Variants in CRACD observed in about 807,000 individuals in gnomAD.
CRACD encodes the protein capping protein-inhibiting regulator of actin dynamics.
A neutral mutation model predicts 106.8 loss-of-function variants in CRACD; 56 were observed. That is an observed-to-expected ratio of 0.52 (90% CI 0.42 to 0.66). CRACD has a LOEUF of 0.66. Among genes scored for constraint, CRACD ranks in the 30% least tolerant of loss-of-function variants. The probability of loss-of-function intolerance (pLI) is 0.00; values close to 1 mark genes in which losing one functional copy is unlikely to be tolerated. For synonymous variants in CRACD, 754 were observed against 670.8 expected (o/e 1.12, Z -1.92); for missense variants, 1,730 against 1,623.2 (o/e 1.07, Z -1.13).
Position 56,324,238 on chromosome 4 carries a change from G to A in CRACD, c.3513G>A (p.Lys1171=). ...TTGAGCGCAGAGAACAGCTGAAAAA[G>A]GCCAATACTCTTCCTACGTCTGTGA... is the stretch of plus-strand genomic sequence containing the variant. ...SRLERREQLK[K]ANTLPTSVTV... is the part of the protein sequence containing the mutation. Residue 1171 remains lysine (K), a synonymous_variant, in exon 10 of 11, where the codon AAG becomes AAA. Coordinates refer to ENST00000682029, the MANE Select transcript of CRACD (RefSeq NM_001393381.1). 7 of 1,614,032 alleles carry A rather than the reference G, an allele frequency of 4.3e-6. No individual in the cohort carries two copies. The South Asian group carries it at 6.6e-5, about 15-fold the overall frequency.
intron 1 of CRACD, among the ~76,000 whole-genome samples, chr4:56,117,122 G>A (rs1734320846): frequency 1.3e-5 from 2 of 148,964 alleles, no homozygotes; most frequent in African/African-American, 2.5e-5. Flanking sequence ...CTGGGTTCAC[G>A]CCATTCTCCC....
intron 2 of CRACD, among the ~76,000 whole-genome samples, chr4:56,197,550 T>G (rs1737666754): frequency 6.6e-6 from 1 of 152,134 alleles, no homozygotes; most frequent in Admixed American, 6.5e-5. Context: ...CTGGCCAATA[T>G]ATGATTTTAC....
intron 1 of CRACD, among the ~76,000 whole-genome samples, chr4:56,167,996 T>C (rs1392873217): frequency 6.6e-6 from 1 of 152,224 alleles, no homozygotes; most frequent in Non-Finnish European, 1.5e-5. Flanking sequence ...ACATAGATTA[T>C]CATGTTGTCT....
chr4:56,314,992 C>T lies in CRACD; in HGVS notation c.1490C>T (p.Pro497Leu), dbSNP rs542112433. 2.5e-6 allele frequency: 4 copies of T among 1,585,278 alleles called. No individual in the cohort carries two copies. The highest frequency in any genetic ancestry group is 2.3e-5 in the East Asian group (1 of 43,974). Residue 497 changes from proline to leucine, a missense_variant, in exon 8 of 11, where the codon CCG (proline) becomes CTG (leucine). By Grantham distance (98) the Pro-to-Leu change is moderately conservative. This residue lies in a region of CRACD where 1,620 missense variants were observed against 1,481.6 expected (regional missense o/e 1.09). Transcript: ENST00000682029. The surrounding 1 kb of genome is among the most constrained non-coding windows in gnomAD (Gnocchi z 4.4). The stretch of plus-strand genomic sequence containing the variant: ...GAGCCTCTCCTGAAACAAGAGGGGC[C>T]GGTGGAAGCCGCGCAGCCTCCGGTG... ...DTEPLLKQEG[P>L]VEAAQPPVER...
chr4:56,117,177 C>T (rs1237436740), intron 1 of CRACD, among the ~76,000 whole-genome samples: 5 of 151,964 alleles, frequency 3.3e-5, no homozygotes, highest in Admixed American at 2.0e-4. Context: ...CCCGCCACCA[C>T]GCCTGGCTAA....
intron 3 of CRACD, among the ~76,000 whole-genome samples, chr4:56,290,494 T>C (rs902600074): frequency 6.6e-6 from 1 of 152,110 alleles, no homozygotes; most frequent in Non-Finnish European, 1.5e-5. Flanking sequence ...GTGAGGCAGT[T>C]ATTAAAGGTA....
intron 1 of CRACD, among the ~76,000 whole-genome samples, chr4:56,145,783 AT>A (rs534613962): frequency 9.3e-5 from 14 of 150,778 alleles, no homozygotes; most frequent in Non-Finnish European, 1.8e-4. Flanking sequence ...CACCCAGCTA[AT>A]TTTTTTTTGT....
Position 56,123,947 on chromosome 4 carries a change from A to ATTT in CRACD, c.-335-55330_-335-55328dup, listed in dbSNP as rs3036813. Among the ~76,000 whole-genome samples the ATTT allele has an allele frequency of 9.7e-3, 1,466 of 151,300 alleles. 24 individuals carry two copies. Among genetic ancestry groups the ATTT allele is most frequent in the African/African-American group, 0.033 (1,354 of 41,208 alleles). On this transcript the variant is annotated intron_variant, in intron 1 of 10. Transcript: ENST00000682029. ...AATAGGGCTTCCTTATTTTAAAATC[A>ATTT]TTTTTTTTTATACGGAGTCTTGCTC...
intron 2 of CRACD, among the ~76,000 whole-genome samples, chr4:56,250,287 G>C (rs1577803461): frequency 6.6e-6 from 1 of 151,136 alleles, no homozygotes; most frequent in Non-Finnish European, 1.5e-5. Flanking sequence ...TTTTTCTCTT[G>C]TTCCATCACT....
intron 10 of CRACD, among the ~76,000 whole-genome samples, chr4:56,326,765 A>C (rs1230300356): frequency 6.8e-6 from 1 of 146,712 alleles, no homozygotes; most frequent in African/African-American, 2.6e-5. Context: ...TTTGAAGCAG[A>C]GTCTCTCTCT....
chr4:56,205,245 A>G (rs922997132), intron 2 of CRACD, among the ~76,000 whole-genome samples: 2 of 152,148 alleles, frequency 1.3e-5, no homozygotes, highest in Non-Finnish European at 2.9e-5. Context: ...TACACCCAGA[A>G]AGAGTTATGA....
intron 2 of CRACD, among the ~76,000 whole-genome samples, chr4:56,250,389 C>A (rs540395834): frequency 1.3e-5 from 2 of 152,256 alleles, no homozygotes; most frequent in Admixed American, 1.3e-4. Flanking sequence ...TATACCATAT[C>A]TAATTTATTC....
At chr4:56,077,178 G>A (rs993807443) in intron 1 of CRACD, among the ~76,000 whole-genome samples, 3 of 152,204 alleles carry the variant, frequency 2.0e-5, no homozygotes, top group Non-Finnish European at 4.4e-5. Flanking sequence ...CGCATGGCTG[G>A]AGAGGCCTCA....
intron 5 of CRACD, chr4:56,308,677 CCT>C (rs1205089089): frequency 1.1e-5 from 9 of 811,938 alleles, no homozygotes; most frequent in Non-Finnish European, 1.3e-5. Context: ...ACATTCCTCC[CCT>C]GTTGCCCATT....
chr4:56,295,575 G>T (rs1024310147), intron 3 of CRACD, among the ~76,000 whole-genome samples: 1 of 150,256 alleles, frequency 6.7e-6, no homozygotes, highest in Admixed American at 6.7e-5. Context: ...ACTTCATGAC[G>T]CAGTCAAGGT....
At chr4:56,075,422 G>GT (rs1162225130) in intron 1 of CRACD, among the ~76,000 whole-genome samples, 1 of 152,156 alleles carries the variant, frequency 6.6e-6, no homozygotes, top group Non-Finnish European at 1.5e-5. Context: ...TTGGGAGGGT[G>GT]TATGTGTCCA....
At chr4:56,052,611 G>C (rs1343270201) in intron 1 of CRACD, among the ~76,000 whole-genome samples, 1 of 152,186 alleles carries the variant, frequency 6.6e-6, no homozygotes, top group Non-Finnish European at 1.5e-5. Context: ...GTGCTAAGTA[G>C]TCTATTTATA....
At chr4:56,122,206 T>C (rs541801410) in intron 1 of CRACD, among the ~76,000 whole-genome samples, 1 of 152,014 alleles carries the variant, frequency 6.6e-6, no homozygotes, top group South Asian at 2.1e-4. Context: ...TGTCCTTGTA[T>C]TGTGCAAGAG....
intron 1 of CRACD, among the ~76,000 whole-genome samples, chr4:56,105,008 A>T (rs1733902799): frequency 6.6e-6 from 1 of 151,846 alleles, no homozygotes; most frequent in African/African-American, 2.4e-5. Flanking sequence ...CCTGCCCCCA[A>T]GTAAGTAAAA....
Sources: gnomAD v4.1 joint callset for allele counts (sites outside exome capture counted in the v4.1 genomes callset) on GRCh38, gnomAD v4.1.1 for gene constraint, gnomAD v4.1.1 regional missense constraint, Gnocchi (gnomAD v3.1) non-coding constraint, MANE v1.5 for transcripts, NCBI Gene and HGNC (gene_info 2026-07-23, HGNC 2026-07-21) for gene names.